C3orf49: variants seen among roughly 807,000 people sequenced by gnomAD.
C3orf49 encodes the protein chromosome 3 open reading frame 49.
A neutral mutation model predicts 13.3 loss-of-function variants in C3orf49; 27 were observed. The observed-to-expected ratio is 2.02, with a 90% CI of 1.49 to 2.79. The LOEUF is 2.79. Among genes scored for constraint, C3orf49 ranks in the 30% most tolerant of loss-of-function variants. C3orf49 has a pLI of 0.00. For synonymous variants in C3orf49, 87 were observed against 47.6 expected, an observed-to-expected ratio of 1.83 and a Z score of -3.40; for missense variants, 242 against 134.2, an observed-to-expected ratio of 1.80 and a Z score of -3.97.
the C3orf49 span, among the ~76,000 whole-genome samples, chr3:63,810,543 G>C: frequency 6.6e-6 from 1 of 152,308 alleles, no homozygotes; most frequent in African/African-American, 2.4e-5. Context: ...TCGTGACACG[G>C]AATGCACTTG....
chr3:63,793,045 G>C, the C3orf49 span, among the ~76,000 whole-genome samples: 4 of 152,032 alleles, frequency 2.6e-5, no homozygotes, highest in Middle Eastern at 6.3e-3. Flanking sequence ...GCCATGAATG[G>C]GTTCCCACTC....
At chr3:63,832,181 A>T (rs541246547) in intron 5 of C3orf49, 1 of 192,868 alleles carries the variant, frequency 5.2e-6, no homozygotes, top group East Asian at 1.3e-4. Flanking sequence ...GCGACAGCAC[A>T]AGACTCCATC....
At chr3:63,835,338 T>C (rs759005934) in intron 5 of C3orf49, 2 of 1,613,450 alleles carry the variant, frequency 1.2e-6, no homozygotes, top group Non-Finnish European at 1.7e-6. Flanking sequence ...TCTTCAACAC[T>C]TTCTTTAATG....
At chr3:63,846,236 C>T (rs763188506) in intron 6 of C3orf49, 128 of 451,322 alleles carry the variant, frequency 2.8e-4, no homozygotes, top group Admixed American at 4.1e-4. Context: ...AGCAGTTAAA[C>T]AGTTTCCTTA....
intron 5 of C3orf49, chr3:63,839,837 T>TG: frequency 4.6e-6 from 6 of 1,305,532 alleles, no homozygotes; most frequent in Non-Finnish European, 6.6e-6. Flanking sequence ...AAATAACCAG[T>TG]ATCACTGTTC....
chr3:63,809,289 C>CT, the C3orf49 span, among the ~76,000 whole-genome samples: 1 of 152,202 alleles, frequency 6.6e-6, no homozygotes, highest in East Asian at 1.9e-4. Flanking sequence ...CTTGCCAACA[C>CT]TTTGAGTTCT....
At chr3:63,790,263 G>A in the C3orf49 span, among the ~76,000 whole-genome samples, 3 of 152,112 alleles carry the variant, frequency 2.0e-5, no homozygotes, top group East Asian at 1.9e-4. Context: ...CTGTTTCCCT[G>A]GTAGCAGCCA....
At chr3:63,833,142 G>A (rs1453911027) in intron 5 of C3orf49, among the ~76,000 whole-genome samples, 1 of 150,924 alleles carries the variant, frequency 6.6e-6, no homozygotes, top group African/African-American at 2.4e-5. Flanking sequence ...TGTTGCCCAG[G>A]CTGGAGTGCA....
At chr3:63,813,415 A>T in the C3orf49 span, among the ~76,000 whole-genome samples, 4 of 152,214 alleles carry the variant, frequency 2.6e-5, no homozygotes, top group African/African-American at 9.6e-5. Flanking sequence ...TACAGCCCAG[A>T]GCACTGGGCA....
At position 63,831,173 on chromosome 3, in the gene C3orf49, GA is replaced by G. The variant is rs1393485442; in HGVS notation, c.638del (p.Asn213ThrfsTer8). On this transcript the variant is annotated frameshift_variant, in exon 4 of 7. Transcript: ENST00000295896. LOFTEE classifies it high-confidence loss of function. ...ACTTAAAAAAAAGAAGCGTGGCATG[GA>G]AAACATCCTTCGAAAATCAGATTTG... ...PALKKKKRGMENILRKSDLTV... is the reference protein window; with the variant it reads ...PALKKKKRGMXNILRKSDLTV... 1 of 702,850 alleles carries G rather than the reference GA, an allele frequency of 1.4e-6. No homozygotes were observed. Among genetic ancestry groups the G allele is most frequent in the East Asian group, 2.7e-5 (1 of 37,300 alleles). 43.5% of individuals were successfully genotyped at this position (702,850 alleles called of 1,614,324 possible).
chr3:63,837,703 T>C (rs895838849), intron 5 of C3orf49, among the ~76,000 whole-genome samples: 2 of 151,762 alleles, frequency 1.3e-5, no homozygotes, highest in African/African-American at 2.4e-5. Context: ...ATGGTAAAAA[T>C]TTAATACTTA....
chr3:63,819,651 G>A, intron 1 of C3orf49, 55 bp downstream of exon 1: 2 of 701,020 alleles, frequency 2.9e-6, no homozygotes, highest in South Asian at 3.0e-5. Flanking sequence ...GTTTGGCATA[G>A]TGGCATGTCC....
the C3orf49 span, chr3:63,782,809 G>C: frequency 6.6e-6 from 1 of 152,186 alleles, no homozygotes; most frequent in African/African-American, 2.4e-5. Context: ...TCCTTAGCAT[G>C]TTATAGCAAA....
intron 5 of C3orf49, chr3:63,836,193 C>A: frequency 4.1e-6 from 4 of 977,156 alleles, no homozygotes; most frequent in Non-Finnish European, 6.1e-6. Context: ...AATATCTGAC[C>A]CCTCCTTTTG....
chr3:63,814,320 T>C (rs1171187151), upstream of C3orf49, among the ~76,000 whole-genome samples: 1 of 152,100 alleles, frequency 6.6e-6, no homozygotes, highest in African/African-American at 2.4e-5. Context: ...TCAATAGAAT[T>C]GGATTGGTCC....
Position 63,827,732 on chromosome 3 carries a change from C to T in C3orf49, c.570+7C>T, listed in dbSNP as rs1362321321. The T allele has an allele frequency of 2.4e-5, 17 of 701,238 alleles. No individual in the cohort carries two copies. The highest frequency in any genetic ancestry group is 8.0e-5 in the East Asian group (3 of 37,284). 43.4% of individuals were successfully genotyped at this position (701,238 alleles called of 1,614,324 possible). A position where few individuals can be genotyped will look rare whatever the true frequency, so the allele number is the denominator to read the frequency against. On this transcript the variant is annotated splice_region_variant and intron_variant, in intron 3 of 6. Transcript: ENST00000295896. ...TCCTTCAGGACTGCAAAAGGTAAAA[C>T]GCTAAATGAATTTGCCTCTGAAGAC... is the stretch of plus-strand genomic sequence containing the variant.
At chr3:63,818,299 C>T (rs1575794208), upstream of C3orf49, among the ~76,000 whole-genome samples, 1 of 152,162 alleles carries the variant, frequency 6.6e-6, no homozygotes, top group African/African-American at 2.4e-5. Context: ...CATAGCTAAG[C>T]TAGAAATGAG....
chr3:63,841,239 T>G (rs571202466), intron 5 of C3orf49, among the ~76,000 whole-genome samples: 1 of 152,306 alleles, frequency 6.6e-6, no homozygotes, highest in East Asian at 1.9e-4. Flanking sequence ...CACACATGCA[T>G]GTGTGTATTC....
At chr3:63,838,780 G>C (rs980230040) in intron 5 of C3orf49, among the ~76,000 whole-genome samples, 1 of 152,060 alleles carries the variant, frequency 6.6e-6, no homozygotes, top group Non-Finnish European at 1.5e-5. Flanking sequence ...AAAGACTTTA[G>C]AAATACTTTA....
Sources: gnomAD v4.1 joint callset for allele counts (sites outside exome capture counted in the v4.1 genomes callset) on GRCh38, gnomAD v4.1.1 for gene constraint, MANE v1.5 for transcripts, NCBI Gene and HGNC (gene_info 2026-07-23, HGNC 2026-07-21) for gene names.